Variants in CUL4A observed in about 807,000 individuals in gnomAD.
CUL4A encodes cullin-4A.
CUL4A carries 16 observed loss-of-function variants against 95.5 expected under a neutral mutation model. That is an observed-to-expected ratio of 0.17 (90% CI 0.11 to 0.25). CUL4A has a LOEUF of 0.25. Among genes scored for constraint, CUL4A ranks in the 10% least tolerant of loss-of-function variants. The probability of loss-of-function intolerance (pLI) is 1.00; values close to 1 mark genes in which losing one functional copy is unlikely to be tolerated. For synonymous variants in CUL4A, 380 were observed against 353.1 expected (o/e 1.08, Z -0.85); for missense variants, 610 against 937.0 (o/e 0.65, Z 4.56).
chr13:113,258,216 C>G (rs992959241), intron 18 of CUL4A, among the ~76,000 whole-genome samples: 3 of 152,094 alleles, frequency 2.0e-5, no homozygotes, highest in Non-Finnish European at 2.9e-5. Flanking sequence ...GTCTTGAACT[C>G]CTGGGCTCAA....
intron 13 of CUL4A, 21 bp from the exon 14 acceptor site, chr13:113,245,131 T>TCCCTC: frequency 1.9e-6 from 3 of 1,613,712 alleles, no homozygotes; most frequent in Non-Finnish European, 2.5e-6. Context: ...CCGATCTCAC[T>TCCCTC]CCCTCCTTTG....
chr13:113,260,873 TG>T, intron 19 of CUL4A, 114 bp downstream of exon 19: 1 of 811,932 alleles, frequency 1.2e-6, no homozygotes, highest in Non-Finnish European at 1.9e-6. Flanking sequence ...TGGTGCTTTG[TG>T]TATACACTGA....
At chr13:113,229,846 C>T (rs1014677373) in intron 5 of CUL4A, 8 of 462,654 alleles carry the variant, frequency 1.7e-5, no homozygotes, top group Non-Finnish European at 3.0e-5. Flanking sequence ...AGTTGAAACT[C>T]GGAGAAAGAC....
intron 7 of CUL4A, 59 bp downstream of exon 7, chr13:113,234,045 G>A (rs2041454923): frequency 8.0e-6 from 8 of 1,004,930 alleles, no homozygotes; most frequent in Non-Finnish European, 1.1e-5. Flanking sequence ...GAGCACCTAG[G>A]AGGACTTTCC....
chr13:113,219,370 G>A (rs940322361), intron 3 of CUL4A: 7 of 226,346 alleles, frequency 3.1e-5, no homozygotes, highest in African/African-American at 9.4e-5. Flanking sequence ...AAGTCCCATC[G>A]ACTTGGCGAC....
At chr13:113,246,156 T>C (rs745322023) in intron 15 of CUL4A, 93 bp downstream of exon 15, 1 of 921,074 alleles carries the variant, frequency 1.1e-6, no homozygotes, top group Non-Finnish European at 1.7e-6. Context: ...ATGGGGAGTT[T>C]TTAAAAATAG....
intron 2 of CUL4A, among the ~76,000 whole-genome samples, chr13:113,216,362 G>A (rs2040692647): frequency 6.6e-6 from 1 of 152,218 alleles, no homozygotes; most frequent in African/African-American, 2.4e-5. Flanking sequence ...ACGTGTATTT[G>A]ACATTCACAC....
rs898578682 is a variant in CUL4A at position 113,264,438 on chromosome 13, A to G, written c.*856A>G. 6.6e-6 allele frequency: 1 copy of G among 152,132 alleles called. No individual in the cohort carries two copies. The highest frequency in any genetic ancestry group is 2.4e-5 in the African/African-American group (1 of 41,420). 9.4% of individuals were successfully genotyped at this position (152,132 alleles called of 1,614,324 possible). On this transcript the variant is annotated 3_prime_UTR_variant, in exon 20 of 20. Coordinates refer to ENST00000375440, the MANE Select transcript of CUL4A (RefSeq NM_001008895.4). ...GTTTTTACAGTCATGCGCAGGGACGATCCTTGTTCTCTGCTGTAAACTGTA... is the reference window on the plus strand; with the variant it reads ...GTTTTTACAGTCATGCGCAGGGACGGTCCTTGTTCTCTGCTGTAAACTGTA...
rs946363637 is a variant in CUL4A at position 113,245,345 on chromosome 13, T to C, written c.1530+108T>C. 5.0e-6 allele frequency: 5 copies of C among 1,001,590 alleles called. No individual in the cohort carries two copies. In the African/African-American group the frequency reaches 6.4e-5, roughly 13 times the overall value. The allele number at this position is 1,001,590 out of a possible 1,614,324, so 62.0% of individuals were successfully genotyped here. On this transcript the variant is annotated intron_variant, in intron 14 of 19. Coordinates refer to ENST00000375440, the MANE Select transcript of CUL4A (RefSeq NM_001008895.4). ...GGGAGGCAGAGGCAAGAGACGTTCT[T>C]GAGGCCAGAAGTTCAAAACTACCCT...
chr13:113,250,022 T>A (rs2139262134), intron 15 of CUL4A, among the ~76,000 whole-genome samples: 1 of 152,352 alleles, frequency 6.6e-6, no homozygotes, highest in South Asian at 2.1e-4. Context: ...TTGCAAGTAT[T>A]TTCTCCCATT....
At chr13:113,211,760 C>T (rs926265679) in intron 2 of CUL4A, among the ~76,000 whole-genome samples, 2 of 152,182 alleles carry the variant, frequency 1.3e-5, no homozygotes, top group Non-Finnish European at 2.9e-5. Flanking sequence ...TTACTCCTCT[C>T]AGGTGAGTTC....
intron 15 of CUL4A, among the ~76,000 whole-genome samples, chr13:113,249,866 G>T (rs541021470): frequency 6.6e-6 from 1 of 152,140 alleles, no homozygotes; most frequent in South Asian, 2.1e-4. Context: ...ATCTTTTCAT[G>T]TCCTGATTGA....
In CUL4A at chr13:113,264,176, T is replaced by A. The variant is rs1016124881; in HGVS notation, c.*594T>A. 2 of 152,194 alleles carry A rather than the reference T, an allele frequency of 1.3e-5. No individual in the cohort carries two copies. 9.4% of individuals were successfully genotyped at this position (152,194 alleles called of 1,614,324 possible). On this transcript the variant is annotated 3_prime_UTR_variant, in exon 20 of 20. Coordinates refer to ENST00000375440, the MANE Select transcript of CUL4A (RefSeq NM_001008895.4). ...GTAAACTTTGATGGCTGATTTTTCG[T>A]AAGTCAGGTTTCTAAGTGAGCTCCC...
chr13:113,233,830 A>G (rs1023568352), intron 6 of CUL4A, 67 bp from the exon 7 acceptor site: 9 of 922,166 alleles, frequency 9.8e-6, no homozygotes, highest in Middle Eastern at 2.1e-4. Flanking sequence ...AGAAACTGGG[A>G]TGTGTTAGCA....
chr13:113,256,824 T>G (rs191520224), intron 18 of CUL4A, among the ~76,000 whole-genome samples: 6 of 152,172 alleles, frequency 3.9e-5, no homozygotes, highest in African/African-American at 9.6e-5. Flanking sequence ...TTCTAATTGC[T>G]TTTCAAGTCA....
At chr13:113,224,071 C>CG (rs2041005661) in intron 3 of CUL4A, among the ~76,000 whole-genome samples, 1 of 152,132 alleles carries the variant, frequency 6.6e-6, no homozygotes, top group Non-Finnish European at 1.5e-5. Context: ...ATGTCAAGCC[C>CG]GCAGAGTGCG....
chr13:113,234,624 G>A (rs1350738199), intron 7 of CUL4A, among the ~76,000 whole-genome samples: 2 of 152,160 alleles, frequency 1.3e-5, no homozygotes, highest in Admixed American at 1.3e-4. Context: ...GTACTTTGAG[G>A]TCTCCTGCAA....
chr13:113,257,050 G>C (rs1284866992), intron 18 of CUL4A, among the ~76,000 whole-genome samples: 1 of 145,308 alleles, frequency 6.9e-6, no homozygotes, highest in African/African-American at 2.5e-5. Flanking sequence ...TCAGCCTCTC[G>C]AGTAGCTGGG....
Position 113,254,945 on chromosome 13 carries a change from C to G in CUL4A, c.1859-8C>G. The G allele has an allele frequency of 2.5e-6, 4 of 1,608,196 alleles. No homozygotes were observed. Among genetic ancestry groups the G allele is most frequent in the Non-Finnish European group, 3.4e-6 (4 of 1,176,996 alleles). On this transcript the variant is annotated splice_polypyrimidine_tract_variant and splice_region_variant and intron_variant, in intron 17 of 19. Transcript: ENST00000375440. The stretch of plus-strand genomic sequence containing the variant: ...GCCAGCCTTTGCCTGCATTTGCTTC[C>G]CATTCAGAGGATAGTGAATTGCGCA...
Sources: gnomAD v4.1 joint callset for allele counts (sites outside exome capture counted in the v4.1 genomes callset) on GRCh38, gnomAD v4.1.1 for gene constraint, MANE v1.5 for transcripts, NCBI Gene and HGNC (gene_info 2026-07-23, HGNC 2026-07-21) for gene names.